MGAT4C: variants seen among roughly 807,000 people sequenced by gnomAD.
The protein encoded by MGAT4C is MGAT4 family member C.
MGAT4C carries 19 observed loss-of-function variants against 40.1 expected under a neutral mutation model. The observed-to-expected ratio is 0.47, with a 90% CI of 0.33 to 0.70. MGAT4C has a LOEUF of 0.70. Among genes scored for constraint, MGAT4C ranks in the 30% least tolerant of loss-of-function variants. The probability of loss-of-function intolerance (pLI) is 0.02; values close to 1 mark genes in which losing one functional copy is unlikely to be tolerated. For missense variants in MGAT4C, 491 were observed against 563.2 expected (o/e 0.87, Z 1.30); for synonymous variants, 181 against 187.1 (o/e 0.97, Z 0.27).
chr12:86,805,428 C>G (rs1425260784), intron 1 of MGAT4C, among the ~76,000 whole-genome samples: 2 of 151,744 alleles, frequency 1.3e-5, no homozygotes, highest in African/African-American at 4.8e-5. Context: ...CTATGAGTAC[C>G]CAGTGTTTAG....
At chr12:86,109,789 GC>G (rs1876894011) in intron 1 of MGAT4C, among the ~76,000 whole-genome samples, 1 of 151,868 alleles carries the variant, frequency 6.6e-6, no homozygotes, top group South Asian at 2.1e-4. Context: ...ACTTTATGGA[GC>G]TTTTACACTT....
chr12:86,316,021 A>T (rs1275242867), intron 4 of MGAT4C, among the ~76,000 whole-genome samples: 1 of 146,544 alleles, frequency 6.8e-6, no homozygotes, highest in African/African-American at 2.5e-5. Flanking sequence ...AAATAATTCC[A>T]TTAAAAAGTG....
At chr12:86,275,021 G>C (rs556200922) in intron 4 of MGAT4C, among the ~76,000 whole-genome samples, 3 of 152,124 alleles carry the variant, frequency 2.0e-5, no homozygotes, top group Non-Finnish European at 4.4e-5. Context: ...TCGGGTTTTG[G>C]GAAACTGAAG....
At chr12:86,601,457 C>T (rs1961774400) in intron 2 of MGAT4C, among the ~76,000 whole-genome samples, 3 of 152,126 alleles carry the variant, frequency 2.0e-5, no homozygotes, top group Non-Finnish European at 1.5e-5. Context: ...ACTCAAGCCC[C>T]TGGGGACTAC....
chr12:86,367,803 A>AAAACAAAC lies in MGAT4C; in HGVS notation c.-119-33684_-119-33677dup, dbSNP rs201398634. 5.3e-5 allele frequency among the ~76,000 whole-genome samples: 8 copies of AAAACAAAC among 151,830 alleles called. No individual in the cohort carries two copies. In the South Asian group the frequency reaches 6.2e-4, roughly 12 times the overall value. Reference sequence around the variant, plus strand: ...CGACAGAGCGAGACTCCGTCTCAAAAAAACAAACAAACAAACAAACAAACA... The same window carrying AAAACAAAC: ...CGACAGAGCGAGACTCCGTCTCAAAAAAACAAACAAACAAACAAACAAACAAACAAACA... On this transcript the variant is annotated intron_variant, in intron 3 of 7. Coordinates refer to the MGAT4C transcript ENST00000548651.
intron 2 of MGAT4C, among the ~76,000 whole-genome samples, chr12:85,992,549 A>G (rs1592630264): frequency 6.6e-6 from 1 of 152,318 alleles, no homozygotes; most frequent in African/African-American, 2.4e-5. Flanking sequence ...AATGTTAAAG[A>G]TGTTGTTGCA....
At chr12:86,152,995 C>T (rs1367794414) in intron 1 of MGAT4C, among the ~76,000 whole-genome samples, 11 of 152,088 alleles carry the variant, frequency 7.2e-5, no homozygotes, top group Admixed American at 6.6e-4. Context: ...AATAATATTA[C>T]ACCCTGATCC....
chr12:86,407,240 T>C (rs1052313740), intron 3 of MGAT4C, among the ~76,000 whole-genome samples: 2 of 152,096 alleles, frequency 1.3e-5, no homozygotes, highest in Non-Finnish European at 2.9e-5. Context: ...TTTTTCAACA[T>C]TGTGCTTTAA....
intron 3 of MGAT4C, among the ~76,000 whole-genome samples, chr12:86,344,195 C>T (rs1214622834): frequency 1.3e-5 from 2 of 152,058 alleles, no homozygotes; most frequent in Non-Finnish European, 2.9e-5. Context: ...TTCAAGGATG[C>T]AAACACTTAA....
intron 2 of MGAT4C, among the ~76,000 whole-genome samples, chr12:86,465,536 GC>G (rs1957667280): frequency 6.6e-6 from 1 of 150,896 alleles, no homozygotes; most frequent in Non-Finnish European, 1.5e-5. Flanking sequence ...ACAATAAAAA[GC>G]AAAAAACCTG....
chr12:86,627,437 G>C (rs191533508), intron 2 of MGAT4C, among the ~76,000 whole-genome samples: 1 of 152,274 alleles, frequency 6.6e-6, no homozygotes, highest in Admixed American at 6.5e-5. Context: ...CCCTGACCCC[G>C]TGTAGCCTAA....
intron 2 of MGAT4C, among the ~76,000 whole-genome samples, chr12:86,517,883 C>T (rs950060319): frequency 6.6e-6 from 1 of 152,082 alleles, no homozygotes; most frequent in Non-Finnish European, 1.5e-5. Flanking sequence ...CTCCTGACCT[C>T]GTGATCTGCC....
chr12:86,240,283 T>C (rs1487308781), intron 1 of MGAT4C, among the ~76,000 whole-genome samples: 2 of 151,754 alleles, frequency 1.3e-5, no homozygotes, highest in Non-Finnish European at 2.9e-5. Flanking sequence ...CTCTCCTCTC[T>C]AGATATATAT....
At chr12:86,545,229 A>G (rs1299218392) in intron 2 of MGAT4C, among the ~76,000 whole-genome samples, 3 of 152,036 alleles carry the variant, frequency 2.0e-5, no homozygotes, top group Admixed American at 2.0e-4. Flanking sequence ...CTGAGAGAGT[A>G]ATGCAACTTA....
intron 2 of MGAT4C, among the ~76,000 whole-genome samples, chr12:86,599,190 G>A (rs1168925050): frequency 6.6e-6 from 1 of 152,028 alleles, no homozygotes; most frequent in East Asian, 1.9e-4. Context: ...CATAGAGCCT[G>A]TAAGCCTATT....
At chr12:86,557,839 A>C (rs1228903113) in intron 2 of MGAT4C, among the ~76,000 whole-genome samples, 1 of 152,206 alleles carries the variant, frequency 6.6e-6, no homozygotes, top group African/African-American at 2.4e-5. Flanking sequence ...TGACAACTCC[A>C]AAGAAACATA....
chr12:86,632,516 T>A (rs1017983613), intron 2 of MGAT4C, among the ~76,000 whole-genome samples: 2 of 152,042 alleles, frequency 1.3e-5, no homozygotes, highest in Non-Finnish European at 2.9e-5. Flanking sequence ...CAAATGTCCA[T>A]CAATGATAGA....
At position 86,200,804 on chromosome 12, in the gene MGAT4C, G is replaced by T. The variant is rs141845533; in HGVS notation, c.-57+55435C>A. Among the ~76,000 whole-genome samples, 475 of 152,212 alleles carry T rather than the reference G, an allele frequency of 3.1e-3. 3 individuals carry two copies. Among genetic ancestry groups the T allele is most frequent in the African/African-American group, 0.011 (453 of 41,536 alleles). On this transcript the variant is annotated intron_variant, in intron 1 of 4. Transcript: ENST00000611864. Reference sequence around the variant, plus strand: ...GACTGTATTTAGAAAGGTGTATAAGGACGTAATAAACGTTAAATCAGGTCA... The same window carrying T: ...GACTGTATTTAGAAAGGTGTATAAGTACGTAATAAACGTTAAATCAGGTCA...
chr12:86,534,019 CA>C (rs1959029881), intron 2 of MGAT4C, among the ~76,000 whole-genome samples: 1 of 152,024 alleles, frequency 6.6e-6, no homozygotes, highest in Non-Finnish European at 1.5e-5. Context: ...TATTTTACTT[CA>C]AAATATATTT....
Sources: gnomAD v4.1 joint callset for allele counts (sites outside exome capture counted in the v4.1 genomes callset) on GRCh38, gnomAD v4.1.1 for gene constraint, MANE v1.5 for transcripts, NCBI Gene and HGNC (gene_info 2026-07-23, HGNC 2026-07-21) for gene names.